The following KIAA1191 variants were observed in gnomAD, a reference collection of about 807,000 sequenced individuals.
KIAA1191 encodes KIAA1191.
A neutral mutation model predicts 31.1 loss-of-function variants in KIAA1191; 22 were observed. That is an observed-to-expected ratio of 0.71 (90% CI 0.51 to 1.01). The LOEUF is 1.01. KIAA1191 is among the 50% of genes least tolerant of loss of function. The pLI, the probability that KIAA1191 is intolerant of heterozygous loss-of-function variation, is 0.00. For missense variants in KIAA1191, 319 were observed against 388.0 expected (o/e 0.82, Z 1.49); for synonymous variants, 130 against 143.9 (o/e 0.90, Z 0.69).
chr5:176,353,302 C>T (rs1196748335), intron 4 of KIAA1191: 1 of 152,352 alleles, frequency 6.6e-6, no homozygotes, highest in East Asian at 1.9e-4. Flanking sequence ...AGGACCACTG[C>T]TCCCAAGGTT....
chr5:176,353,440 G>A (rs1276755086), intron 4 of KIAA1191: 1 of 152,264 alleles, frequency 6.6e-6, no homozygotes, highest in Non-Finnish European at 1.5e-5. Flanking sequence ...TAGCAGGGAG[G>A]AGAGAACAAG....
intron 2 of KIAA1191, 104 bp from the exon 3 acceptor site, chr5:176,359,671 C>T (rs1320329183): frequency 1.6e-6 from 1 of 627,716 alleles, no homozygotes; most frequent in South Asian, 1.8e-5. Flanking sequence ...TTGAAACACA[C>T]ATGCAAGAGC....
chr5:176,349,884 T>A (rs1766839926), intron 6 of KIAA1191, among the ~76,000 whole-genome samples: 1 of 152,160 alleles, frequency 6.6e-6, no homozygotes, highest in Non-Finnish European at 1.5e-5. Flanking sequence ...GTTTCTTAAC[T>A]GTAATTGTGT....
intron 5 of KIAA1191, among the ~76,000 whole-genome samples, chr5:176,352,169 A>C (rs983307880): frequency 3.0e-5 from 4 of 132,338 alleles, no homozygotes; most frequent in African/African-American, 1.1e-4. Context: ...AAAAAAAAAC[A>C]AAAAAAAAAA....
At chr5:176,351,107 T>C (rs551836931) in intron 5 of KIAA1191, among the ~76,000 whole-genome samples, 10 of 150,190 alleles carry the variant, frequency 6.7e-5, no homozygotes, top group South Asian at 2.1e-4. Context: ...CTTTGGGAGG[T>C]CAAGGCGGGC....
intron 2 of KIAA1191, 23 bp downstream of exon 2, chr5:176,359,788 A>G (rs747076847): frequency 2.8e-6 from 1 of 358,902 alleles, no homozygotes; most frequent in African/African-American, 2.0e-5. Context: ...AAGATGCCAT[A>G]CATGGTGAAA....
rs745362392 is a variant in KIAA1191, at chr5:176,347,697, T to C, written c.821A>G (p.Lys274Arg). ...TCCTTCCATCACTGGGATGTCCATC[T>C]TGGGGGGCTTCAAGGCTGCTGGATC... Reference protein sequence around the residue: ...AEDPAALKPPKMDIPVMEGKK... With the variant: ...AEDPAALKPPRMDIPVMEGKK... The change falls in exon 9 of 9, where the codon AAG (lysine) becomes AGG (arginine). Residue 274 changes from lysine to arginine, a missense_variant. By Grantham distance (26) the Lys-to-Arg change is conservative (BLOSUM62 2). Coordinates refer to ENST00000298569, the MANE Select transcript of KIAA1191 (RefSeq NM_020444.5). The C allele has an allele frequency of 1.7e-5, 27 of 1,603,436 alleles. No individual in the cohort carries two copies. The South Asian group carries it at 2.9e-4, about 17-fold the overall frequency.
At chr5:176,358,165 T>C (rs1212543153) in intron 3 of KIAA1191, among the ~76,000 whole-genome samples, 1 of 152,212 alleles carries the variant, frequency 6.6e-6, no homozygotes, top group Non-Finnish European at 1.5e-5. Flanking sequence ...GTGAGCATTT[T>C]CATGATTAAG....
At chr5:176,351,828 GA>G (rs1561753004) in intron 5 of KIAA1191, among the ~76,000 whole-genome samples, 1 of 151,904 alleles carries the variant, frequency 6.6e-6, no homozygotes, top group African/African-American at 2.4e-5. Context: ...AATTCACTAG[GA>G]ATTGCCCAGG....
chr5:176,350,679 G>C lies in KIAA1191; in HGVS notation c.393C>G (p.Gly131=). 6.2e-7 allele frequency: 1 copy of C among 1,614,144 alleles called. No individual in the cohort carries two copies. Among genetic ancestry groups the C allele is most frequent in the Non-Finnish European group, 8.5e-7 (1 of 1,180,020 alleles). ...FERQAGLRDA[G]YTPHKGLTTE... ...TGGTGAGGCCCTTGTGGGGTGTGTA[G>C]CCAGCATCTCTCAGCCCTGCCTGTC... The change falls in exon 6 of 9, where the codon GGC becomes GGG. Residue 131 remains glycine (G), a synonymous_variant. Coordinates refer to ENST00000298569, the MANE Select transcript of KIAA1191 (RefSeq NM_020444.5).
Position 176,347,648 on chromosome 5 carries a change from A to G in KIAA1191, c.870T>C (p.His290=). Reference sequence around the variant, plus strand: ...CATTCAGGTCACGGGGTTTGAGGTTATGGGCCCGTGGTGGCTGTTTCTTTC... The same window carrying G: ...CATTCAGGTCACGGGGTTTGAGGTTGTGGGCCCGTGGTGGCTGTTTCTTTC... ...MEGKKQPPRA[H]NLKPRDLNVL... Residue 290 remains histidine (H), a synonymous_variant, in exon 9 of 9, where the codon CAT becomes CAC. Coordinates refer to ENST00000298569, the MANE Select transcript of KIAA1191 (RefSeq NM_020444.5). 6.4e-7 allele frequency: 1 copy of G among 1,553,412 alleles called. No homozygotes were observed. Among genetic ancestry groups the G allele is most frequent in the Non-Finnish European group, 8.7e-7 (1 of 1,153,228 alleles).
At chr5:176,359,122 CA>C (rs1207267918) in intron 3 of KIAA1191, among the ~76,000 whole-genome samples, 1 of 130,804 alleles carries the variant, frequency 7.6e-6, no homozygotes, top group Admixed American at 8.6e-5. Context: ...AGTTCCAGAC[CA>C]GCCTGGCCAA....
At position 176,347,492 on chromosome 5, in the gene KIAA1191, C is replaced by A. The variant is rs184883315; in HGVS notation, c.*108G>T. On this transcript the variant is annotated 3_prime_UTR_variant, in exon 9 of 9. Transcript: ENST00000298569. ...CTGGGATTACAGGCGTGAGCCACCA[C>A]GCCCAGCTGATTAAGTTTTTAAATA... The A allele has an allele frequency of 1.1e-6, 1 of 936,806 alleles. No homozygotes were observed. The highest frequency in any genetic ancestry group is 1.5e-6 in the Non-Finnish European group (1 of 661,528). 58.0% of individuals were successfully genotyped at this position (936,806 alleles called of 1,614,324 possible).
intron 3 of KIAA1191, among the ~76,000 whole-genome samples, chr5:176,358,581 T>G (rs1043362180): frequency 6.6e-6 from 1 of 152,116 alleles, no homozygotes; most frequent in South Asian, 2.1e-4. Context: ...CCGGGCGTGG[T>G]GGCAGGCAGC....
At chr5:176,358,353 A>G (rs1033455822) in intron 3 of KIAA1191, among the ~76,000 whole-genome samples, 3 of 152,242 alleles carry the variant, frequency 2.0e-5, no homozygotes, top group Non-Finnish European at 4.4e-5. Context: ...ATACCCTTAA[A>G]TGAAGTGACT....
rs549903770 is a variant in KIAA1191, at chr5:176,358,441, C to T, written c.28+1040G>A. Among the ~76,000 whole-genome samples the T allele has an allele frequency of 6.6e-5, 10 of 152,320 alleles. No individual in the cohort carries two copies. The South Asian group carries it at 1.0e-3, about 16-fold the overall frequency. ...TAAATGATGCCAATCTAAGGCTAGGCGTGGTGGCTCACACCTGTAATCCCA... is the reference window on the plus strand; with the variant it reads ...TAAATGATGCCAATCTAAGGCTAGGTGTGGTGGCTCACACCTGTAATCCCA... On this transcript the variant is annotated intron_variant, in intron 3 of 8. Transcript: ENST00000298569.
intron 5 of KIAA1191, among the ~76,000 whole-genome samples, chr5:176,352,149 C>A (rs559709563): frequency 2.6e-4 from 37 of 143,938 alleles, no homozygotes; most frequent in African/African-American, 9.2e-4. Flanking sequence ...CAACTTTGAG[C>A]TGTTTAAAAA....
chr5:176,355,633 C>T lies in KIAA1191; in HGVS notation c.145G>A (p.Asp49Asn), dbSNP rs371118344. ...GGCTTCCAAGGGACGCTGCCCATGT[C>T]CGATGGAGGAGGAGTCATGGGCGCA... ...DPAPMTPPPS[D>N]MGSVPWKPVI... The change falls in exon 4 of 9, where the codon GAC becomes AAC. Residue 49 changes from aspartate to asparagine, a missense_variant. Asp to Asn is a conservative substitution (Grantham distance 23). Transcript: ENST00000298569. This position sits in a 1 kb window ranked among gnomAD's most constrained non-coding sequence, Gnocchi z 4.2. 2 of 1,612,620 alleles carry T rather than the reference C, an allele frequency of 1.2e-6. No homozygotes were observed. The highest frequency in any genetic ancestry group is 1.7e-6 in the Non-Finnish European group (2 of 1,179,990).
intron 5 of KIAA1191, among the ~76,000 whole-genome samples, chr5:176,351,213 C>T (rs918927338): frequency 2.6e-5 from 4 of 151,596 alleles, no homozygotes; most frequent in Admixed American, 6.6e-5. Flanking sequence ...TGGTGGCAGG[C>T]GCCTGTAGTC....
Sources: allele counts gnomAD v4.1 joint callset (sites outside exome capture counted in the v4.1 genomes callset), GRCh38; gene constraint gnomAD v4.1.1; non-coding constraint Gnocchi (gnomAD v3.1); transcripts MANE v1.5; gene names NCBI Gene and HGNC (gene_info 2026-07-23, HGNC 2026-07-21).